Variants in CERS3 observed in about 807,000 individuals in gnomAD.
CERS3 encodes LAG1 homolog, ceramide synthase 3.
A neutral mutation model predicts 50.3 loss-of-function variants in CERS3; 33 were observed. That is an observed-to-expected ratio of 0.66 (90% CI 0.50 to 0.88). CERS3 has a LOEUF of 0.88. Among genes scored for constraint, CERS3 ranks in the 40% least tolerant of loss-of-function variants. The pLI is 0.00. For missense variants in CERS3, 470 were observed against 460.3 expected (o/e 1.02, Z -0.19); for synonymous variants, 176 against 155.2 (o/e 1.13, Z -0.99).
At chr15:100,533,847 C>T (rs1330298694), upstream of CERS3, among the ~76,000 whole-genome samples, 1 of 152,154 alleles carries the variant, frequency 6.6e-6, no homozygotes, top group African/African-American at 2.4e-5. Context: ...CGTGAGCCAC[C>T]ATGACCAGCC....
rs1159590684 is a variant in CERS3, at chr15:100,467,870, G to GAT, written c.845+1506_845+1507dup. Among the ~76,000 whole-genome samples the GAT allele has an allele frequency of 1.4e-3, 57 of 41,070 alleles. 2 individuals are homozygous for GAT. The highest frequency in any genetic ancestry group is 3.6e-3 in the African/African-American group (56 of 15,642). 26.9% of individuals were successfully genotyped at this position (41,070 alleles called of 152,430 possible). A position where few individuals can be genotyped will look rare whatever the true frequency, so the allele number is the denominator to read the frequency against. On this transcript the variant is annotated intron_variant, in intron 10 of 11. Coordinates refer to ENST00000679737, the MANE Select transcript of CERS3 (RefSeq NM_001378789.1). ...ATATATATAGATAGATAGATAGATA[G>GAT]ATAGATAGATATAGATATAGATATA... is the stretch of plus-strand genomic sequence containing the variant.
intron 7 of CERS3, among the ~76,000 whole-genome samples, chr15:100,477,073 T>C (rs2035150659): frequency 6.6e-6 from 1 of 152,206 alleles, no homozygotes; most frequent in African/African-American, 2.4e-5. Flanking sequence ...TGAACTCAGT[T>C]GACACCACAT....
chr15:100,441,774 C>T (rs1016010421), intron 11 of CERS3, among the ~76,000 whole-genome samples: 4 of 148,426 alleles, frequency 2.7e-5, no homozygotes, highest in Admixed American at 6.9e-5. Context: ...AGGTGCCTGA[C>T]GTCCAGGCAT....
At chr15:100,467,740 TA>T (rs377525346) in intron 10 of CERS3, among the ~76,000 whole-genome samples, 64,034 of 138,686 alleles carry the variant, frequency 0.46, 16,396 homozygotes, top group Middle Eastern at 0.54. Flanking sequence ...CAATAATTGC[TA>T]TCATTCTCTC....
chr15:100,466,196 C>T (rs560627522), intron 10 of CERS3, among the ~76,000 whole-genome samples: 11 of 152,274 alleles, frequency 7.2e-5, no homozygotes, highest in Non-Finnish European at 1.3e-4. Flanking sequence ...GAAAATAGCG[C>T]ACTACCCCGA....
intron 10 of CERS3, among the ~76,000 whole-genome samples, chr15:100,463,238 C>G (rs1179952136): frequency 6.6e-6 from 1 of 151,618 alleles, no homozygotes; most frequent in Non-Finnish European, 1.5e-5. Context: ...AGATCGAGAC[C>G]ATCCTGGCCA....
At chr15:100,535,683 C>T (rs1030330315) in intron 1 of CERS3, among the ~76,000 whole-genome samples, 2 of 141,722 alleles carry the variant, frequency 1.4e-5, no homozygotes, top group African/African-American at 2.6e-5. Flanking sequence ...TATGTAAGCA[C>T]GAATTAGAAG....
intron 2 of CERS3, among the ~76,000 whole-genome samples, chr15:100,510,172 A>C (rs2036298747): frequency 6.6e-6 from 1 of 152,238 alleles, no homozygotes; most frequent in Non-Finnish European, 1.5e-5. Context: ...CACATGAAGA[A>C]GACAATGCAA....
At chr15:100,529,430 T>C (rs1394245530), upstream of CERS3, among the ~76,000 whole-genome samples, 1 of 152,248 alleles carries the variant, frequency 6.6e-6, no homozygotes, top group Admixed American at 6.5e-5. Context: ...GATCAGTTTT[T>C]TGAAGCATAT....
intron 4 of CERS3, among the ~76,000 whole-genome samples, chr15:100,489,393 C>G (rs1448240132): frequency 6.6e-6 from 1 of 152,134 alleles, no homozygotes; most frequent in African/African-American, 2.4e-5. Flanking sequence ...ACCTTTTCAG[C>G]TATCCTTAGT....
chr15:100,496,925 G>T (rs1459931551), intron 3 of CERS3, among the ~76,000 whole-genome samples: 1 of 152,134 alleles, frequency 6.6e-6, no homozygotes, highest in African/African-American at 2.4e-5. Context: ...ACTTCCAGAT[G>T]AATTAAGTTC....
At chr15:100,427,657 C>T (rs73488540) in intron 11 of CERS3, among the ~76,000 whole-genome samples, 2,578 of 152,248 alleles carry the variant, frequency 0.017, 80 homozygotes, top group African/African-American at 0.057. Context: ...CTCTCGGGTA[C>T]GATGAAGTGA....
At chr15:100,467,422 A>G (rs1331121670) in intron 10 of CERS3, among the ~76,000 whole-genome samples, 1 of 152,214 alleles carries the variant, frequency 6.6e-6, no homozygotes, top group African/African-American at 2.4e-5. Context: ...GAGCTAAGTA[A>G]GTATGGCTTG....
At chr15:100,527,747 T>C (rs2036836498) in intron 1 of CERS3, among the ~76,000 whole-genome samples, 1 of 152,224 alleles carries the variant, frequency 6.6e-6, no homozygotes, top group South Asian at 2.1e-4. Flanking sequence ...TAAATGTAGA[T>C]TATTATTAGC....
chr15:100,456,214 AC>A (rs1397734566), intron 10 of CERS3, among the ~76,000 whole-genome samples, 168 bp from the exon 11 acceptor site: 12 of 152,234 alleles, frequency 7.9e-5, no homozygotes, highest in African/African-American at 2.9e-4. Flanking sequence ...AAATATCATT[AC>A]TGGCAAGCAA....
At chr15:100,411,152 T>G (rs2031455738) in intron 11 of CERS3, among the ~76,000 whole-genome samples, 1 of 152,184 alleles carries the variant, frequency 6.6e-6, no homozygotes, top group South Asian at 2.1e-4. Flanking sequence ...CAAATTTCCT[T>G]CGTTTTGTTT....
chr15:100,459,561 A>G (rs1027278016), intron 10 of CERS3, among the ~76,000 whole-genome samples: 4 of 152,212 alleles, frequency 2.6e-5, no homozygotes, highest in Non-Finnish European at 2.9e-5. Context: ...CCAAAGTTCT[A>G]GGATTATAGG....
intron 11 of CERS3, among the ~76,000 whole-genome samples, chr15:100,422,316 C>CA (rs1454809236): frequency 8.5e-6 from 1 of 116,980 alleles, no homozygotes; most frequent in East Asian, 2.5e-4. Flanking sequence ...TTTATGCAGC[C>CA]AAAAAACACA....
chr15:100,437,181 G>A (rs565768445), intron 11 of CERS3, among the ~76,000 whole-genome samples: 16 of 152,150 alleles, frequency 1.1e-4, no homozygotes, highest in South Asian at 4.1e-4. Context: ...TCCTGACCTC[G>A]TGATCCGCCT....
Sources: gnomAD v4.1 joint callset for allele counts (sites outside exome capture counted in the v4.1 genomes callset) on GRCh38, gnomAD v4.1.1 for gene constraint, MANE v1.5 for transcripts, NCBI Gene and HGNC (gene_info 2026-07-23, HGNC 2026-07-21) for gene names.